ESPNL: variants seen among roughly 807,000 people sequenced by gnomAD.
ESPNL encodes the protein espin like.
A neutral mutation model predicts 46.8 loss-of-function variants in ESPNL; 49 were observed. The observed-to-expected ratio is 1.05, with a 90% CI of 0.83 to 1.33. The LOEUF (loss-of-function observed/expected upper bound fraction) is 1.33, where lower values mean the gene tolerates loss of function less well. Ranked by LOEUF, ESPNL falls within the 40% of genes most tolerant of loss-of-function variation. The pLI, the probability that ESPNL is intolerant of heterozygous loss-of-function variation, is 0.00. For missense variants in ESPNL, 1,540 were observed against 1,436.6 expected, an observed-to-expected ratio of 1.07 and a Z score of -1.16; for synonymous variants, 664 against 662.1, an observed-to-expected ratio of 1.00 and a Z score of -0.04.
intron 5 of ESPNL, among the ~76,000 whole-genome samples, chr2:238,123,569 C>G (rs1465318911): frequency 6.6e-6 from 1 of 152,158 alleles, no homozygotes; most frequent in Non-Finnish European, 1.5e-5. Flanking sequence ...GTTAAAGGTT[C>G]CGTGGTAACA....
At chr2:238,124,781 G>C (rs565023167) in intron 5 of ESPNL, among the ~76,000 whole-genome samples, 4 of 151,126 alleles carry the variant, frequency 2.6e-5, no homozygotes, top group South Asian at 4.2e-4. Flanking sequence ...GTGTGTGCAG[G>C]AGAGTACGTG....
intron 4 of ESPNL, among the ~76,000 whole-genome samples, chr2:238,115,237 G>A (rs1226761266): frequency 2.0e-5 from 3 of 152,330 alleles, no homozygotes; most frequent in East Asian, 1.9e-4. Context: ...CCACCTTGGA[G>A]GCCATGGAAC....
chr2:238,128,466 T>C (rs1692192081), intron 7 of ESPNL, among the ~76,000 whole-genome samples: 1 of 152,156 alleles, frequency 6.6e-6, no homozygotes, highest in Non-Finnish European at 1.5e-5. Context: ...TTCATTTCTC[T>C]GCCGACAATC....
At chr2:238,107,344 G>T (rs1691618049) in intron 3 of ESPNL, among the ~76,000 whole-genome samples, 1 of 152,194 alleles carries the variant, frequency 6.6e-6, no homozygotes, top group Non-Finnish European at 1.5e-5. Flanking sequence ...AGGCCCTGGA[G>T]GGAGGCCACA....
At chr2:238,120,335 G>A (rs1691958311) in intron 5 of ESPNL, among the ~76,000 whole-genome samples, 2 of 152,124 alleles carry the variant, frequency 1.3e-5, no homozygotes, top group Admixed American at 6.5e-5. Context: ...TTAGCAGGTG[G>A]GGACAGCAGC....
intron 5 of ESPNL, among the ~76,000 whole-genome samples, chr2:238,124,756 GGA>G (rs1235406676): frequency 1.3e-5 from 2 of 150,126 alleles, no homozygotes; most frequent in Admixed American, 6.6e-5. Flanking sequence ...TGTGTGTGCA[GGA>G]GAGTGTACAT....
intron 8 of ESPNL, 139 bp from the exon 9 acceptor site, chr2:238,129,988 TG>T: frequency 1.1e-6 from 1 of 940,472 alleles, no homozygotes; most frequent in Non-Finnish European, 1.6e-6. Context: ...CTGCCCTAGC[TG>T]GGAAGCCCTT....
chr2:238,108,636 C>T (rs545573666), intron 4 of ESPNL, among the ~76,000 whole-genome samples: 10 of 152,320 alleles, frequency 6.6e-5, no homozygotes, highest in Middle Eastern at 3.4e-3. Context: ...TGGTTCCCCA[C>T]GTTCTTCCAA....
In ESPNL at chr2:238,100,409, C is replaced by T. The variant is rs528576598; in HGVS notation, c.-11C>T. On this transcript the variant is annotated 5_prime_UTR_variant, in exon 1 of 9. Coordinates refer to ENST00000343063, the MANE Select transcript of ESPNL (RefSeq NM_194312.4). Reference sequence around the variant, plus strand: ...TGTGCATGAGTCGCCACTGAGAGCCCGGGCCAGAGGATGGAGAAGCAGCGG... The same window carrying T: ...TGTGCATGAGTCGCCACTGAGAGCCTGGGCCAGAGGATGGAGAAGCAGCGG... The T allele has an allele frequency of 2.5e-5, 40 of 1,590,016 alleles. No individual in the cohort carries two copies. The highest frequency in any genetic ancestry group is 1.8e-4 in the South Asian group (16 of 87,546).
intron 5 of ESPNL, among the ~76,000 whole-genome samples, chr2:238,120,891 AGGT>A (rs762386468): frequency 3.3e-5 from 5 of 152,216 alleles, no homozygotes; most frequent in Non-Finnish European, 5.9e-5. Flanking sequence ...GCCTCAGAAG[AGGT>A]GGTGAAATCC....
At chr2:238,125,233 C>CG in intron 5 of ESPNL, 37 bp from the exon 6 acceptor site, 1 of 1,043,062 alleles carries the variant, frequency 9.6e-7, no homozygotes. Context: ...GAAGAGCCCA[C>CG]GGGGGTCCCC....
chr2:238,131,882 T>A lies in ESPNL; in HGVS notation c.*150T>A. On this transcript the variant is annotated 3_prime_UTR_variant, in exon 9 of 9. Coordinates refer to ENST00000343063, the MANE Select transcript of ESPNL (RefSeq NM_194312.4). The stretch of plus-strand genomic sequence containing the variant: ...TATCGGAGGCTGCGGGACTGTTCTG[T>A]TGTGGCATGGTTCTCCTCCGAGCTG... The A allele has an allele frequency of 1.2e-6, 1 of 837,328 alleles. No homozygotes were observed. Among genetic ancestry groups the A allele is most frequent in the Non-Finnish European group, 1.9e-6 (1 of 537,648 alleles). The allele number at this position is 837,328 out of a possible 1,614,324, so 51.9% of individuals were successfully genotyped here. A position where few individuals can be genotyped will look rare whatever the true frequency, so the allele number is the denominator to read the frequency against.
intron 4 of ESPNL, among the ~76,000 whole-genome samples, chr2:238,116,380 G>T (rs945868160): frequency 1.3e-5 from 2 of 152,196 alleles, no homozygotes; most frequent in African/African-American, 4.8e-5. Context: ...GCTGGCAAAG[G>T]TGGTGAGCGG....
chr2:238,127,257 G>A, intron 6 of ESPNL: 3 of 694,568 alleles, frequency 4.3e-6, no homozygotes, highest in Non-Finnish European at 5.5e-6. Context: ...CCTGAAGTGT[G>A]TGTTTTCATC....
At chr2:238,119,261 AAT>A (rs1691918914) in intron 5 of ESPNL, among the ~76,000 whole-genome samples, 2 of 111,552 alleles carry the variant, frequency 1.8e-5, no homozygotes, top group African/African-American at 7.3e-5. Flanking sequence ...ATGGAGGAGA[AAT>A]GGATGAAAGA....
chr2:238,102,608 G>A (rs746507031), intron 2 of ESPNL, among the ~76,000 whole-genome samples: 8 of 152,248 alleles, frequency 5.3e-5, no homozygotes, highest in Middle Eastern at 3.4e-3. Context: ...CCCTAGAGCC[G>A]GGCGCTGGCC....
chr2:238,126,356 TTG>T (rs1341674743), intron 6 of ESPNL, among the ~76,000 whole-genome samples: 3 of 105,648 alleles, frequency 2.8e-5, no homozygotes, highest in Admixed American at 8.4e-5. Context: ...GTGTGTGTGA[TTG>T]TGTCTGTGTG....
intron 5 of ESPNL, among the ~76,000 whole-genome samples, chr2:238,120,490 T>G (rs188051104): frequency 5.9e-5 from 9 of 152,358 alleles, no homozygotes; most frequent in Admixed American, 5.9e-4. Context: ...CGCCTCTGCC[T>G]TCTGTCCCCA....
At chr2:238,117,602 G>T (rs1035159267) in intron 5 of ESPNL, among the ~76,000 whole-genome samples, 18 of 152,238 alleles carry the variant, frequency 1.2e-4, no homozygotes, top group Non-Finnish European at 2.1e-4. Context: ...TTCCAGCCCT[G>T]GCTCTCGTCT....
Sources: allele counts gnomAD v4.1 joint callset (sites outside exome capture counted in the v4.1 genomes callset), GRCh38; gene constraint gnomAD v4.1.1; transcripts MANE v1.5; gene names NCBI Gene and HGNC (gene_info 2026-07-23, HGNC 2026-07-21).